The following RARB variants were observed in gnomAD, a reference collection of about 807,000 sequenced individuals.
RARB encodes HBV-activated protein.
In RARB, 17 loss-of-function variants were observed where a neutral mutation model predicts 51.9. The ratio of observed to expected loss-of-function variants is 0.33; its 90% CI spans 0.22 to 0.49. The LOEUF is 0.49. Ranked by LOEUF, RARB falls within the 20% of genes least tolerant of loss-of-function variation. The pLI is 0.99. For missense variants in RARB, 369 were observed against 550.8 expected, an observed-to-expected ratio of 0.67 and a Z score of 3.30; for synonymous variants, 215 against 195.4, an observed-to-expected ratio of 1.10 and a Z score of -0.84.
At chr3:25,027,651 T>C (rs1299294196) in intron 2 of RARB, among the ~76,000 whole-genome samples, 1 of 151,452 alleles carries the variant, frequency 6.6e-6, no homozygotes, top group African/African-American at 2.4e-5. Context: ...CACTAATATA[T>C]AGTTAGCAAG....
chr3:25,270,837 G>T (rs1343733962), intron 5 of RARB, among the ~76,000 whole-genome samples: 1 of 152,094 alleles, frequency 6.6e-6, no homozygotes, highest in African/African-American at 2.4e-5. Flanking sequence ...TGCGGTTTTT[G>T]CCATTAAAAG....
intron 3 of RARB, among the ~76,000 whole-genome samples, chr3:25,108,521 A>T (rs1699547985): frequency 6.6e-6 from 1 of 152,194 alleles, no homozygotes; most frequent in African/African-American, 2.4e-5. Context: ...GGACCAGATC[A>T]GGAAGTGCCA....
intron 1 of RARB, among the ~76,000 whole-genome samples, chr3:24,836,871 T>G (rs993045499): frequency 6.6e-6 from 1 of 152,234 alleles, no homozygotes; most frequent in Non-Finnish European, 1.5e-5. Context: ...AACTTCTGGA[T>G]GCTGACCTAG....
chr3:25,108,599 G>A (rs1227479666), intron 3 of RARB, among the ~76,000 whole-genome samples: 4 of 152,058 alleles, frequency 2.6e-5, no homozygotes, highest in Admixed American at 6.6e-5. Flanking sequence ...AGGAAGCCTG[G>A]GAAATGTCTA....
intron 2 of RARB, among the ~76,000 whole-genome samples, chr3:25,004,594 T>C (rs562521534): frequency 4.5e-4 from 69 of 152,290 alleles, no homozygotes; most frequent in Non-Finnish European, 7.6e-4. Context: ...GTCTCACCTC[T>C]TAATAGTGTC....
At chr3:25,245,665 G>C (rs322716) in intron 5 of RARB, among the ~76,000 whole-genome samples, 16,482 of 152,204 alleles carry the variant, frequency 0.11, 1,093 homozygotes, top group Non-Finnish European at 0.15. Flanking sequence ...TTTCTGAAGA[G>C]AGATCTGCTG....
intron 2 of RARB, among the ~76,000 whole-genome samples, chr3:24,968,429 C>T (rs1379635420): frequency 6.6e-6 from 1 of 152,138 alleles, no homozygotes; most frequent in East Asian, 1.9e-4. Flanking sequence ...TGTAATAAAC[C>T]ACCTTAGAAA....
chr3:24,939,583 T>C (rs542681934), intron 2 of RARB, among the ~76,000 whole-genome samples: 7 of 152,328 alleles, frequency 4.6e-5, no homozygotes, highest in African/African-American at 7.2e-5. Context: ...AGAGTTTCAC[T>C]AGGGTCAAAC....
chr3:24,925,816 CAG>C (rs1472270525), intron 2 of RARB, among the ~76,000 whole-genome samples: 9 of 152,036 alleles, frequency 5.9e-5, no homozygotes, highest in South Asian at 4.1e-4. Context: ...CACGTGAAAA[CAG>C]AGTGTTTCAA....
At chr3:24,833,105 A>T (rs539273431) in intron 1 of RARB, 1 of 152,252 alleles carries the variant, frequency 6.6e-6, no homozygotes, top group Admixed American at 6.5e-5. Flanking sequence ...TTCTGCCTCC[A>T]CCGCTTATGA....
chr3:24,840,694 G>C (rs902446557), intron 1 of RARB, among the ~76,000 whole-genome samples: 1 of 142,566 alleles, frequency 7.0e-6, no homozygotes, highest in African/African-American at 2.6e-5. Context: ...GTTAGTATTT[G>C]CTGTTGCCCC....
intron 2 of RARB, among the ~76,000 whole-genome samples, chr3:24,935,438 C>T (rs1224015714): frequency 6.6e-6 from 1 of 152,100 alleles, no homozygotes; most frequent in Admixed American, 6.6e-5. Flanking sequence ...CCTATTTCAG[C>T]TCTGTTACTT....
intron 2 of RARB, among the ~76,000 whole-genome samples, chr3:24,977,777 C>G (rs1407204656): frequency 6.6e-6 from 1 of 152,188 alleles, no homozygotes; most frequent in Non-Finnish European, 1.5e-5. Context: ...CTGGCCAGGA[C>G]TTCCAACATT....
intron 1 of RARB, among the ~76,000 whole-genome samples, chr3:24,851,546 A>G (rs1404750462): frequency 6.6e-6 from 1 of 152,168 alleles, no homozygotes; most frequent in Non-Finnish European, 1.5e-5. Context: ...TCCCTAATGC[A>G]ATACATGCTA....
intron 2 of RARB, among the ~76,000 whole-genome samples, chr3:24,956,887 TG>T (rs1266940405): frequency 1.3e-5 from 2 of 152,180 alleles, no homozygotes; most frequent in Admixed American, 1.3e-4. Flanking sequence ...CGAGGAAAGC[TG>T]GACCAGAGAG....
chr3:24,912,237 T>C (rs1308987225), intron 2 of RARB, among the ~76,000 whole-genome samples: 1 of 152,186 alleles, frequency 6.6e-6, no homozygotes, highest in Admixed American at 6.5e-5. Flanking sequence ...GCATCAGGCA[T>C]ACAAGGTACG....
chr3:25,504,315 C>A (rs1002361845), intron 3 of RARB, among the ~76,000 whole-genome samples: 5 of 152,210 alleles, frequency 3.3e-5, no homozygotes, highest in Admixed American at 3.3e-4. Flanking sequence ...GACTGTTAAT[C>A]TATTGACCCA....
At chr3:25,521,616 T>C (rs922088031) in intron 3 of RARB, among the ~76,000 whole-genome samples, 1 of 152,142 alleles carries the variant, frequency 6.6e-6, no homozygotes, top group Non-Finnish European at 1.5e-5. Flanking sequence ...CTTAGTCTAA[T>C]GTAGAAGCTG....
intron 5 of RARB, among the ~76,000 whole-genome samples, chr3:25,585,128 T>G (rs907866153): frequency 6.6e-5 from 10 of 152,130 alleles, no homozygotes; most frequent in African/African-American, 2.4e-4. Context: ...GAGCCTCAGT[T>G]GCCTCGTATT....
Sources: allele counts gnomAD v4.1 joint callset (sites outside exome capture counted in the v4.1 genomes callset), GRCh38; gene constraint gnomAD v4.1.1; transcripts MANE v1.5; gene names NCBI Gene and HGNC (gene_info 2026-07-23, HGNC 2026-07-21).